C1QB: variants seen among roughly 807,000 people sequenced by gnomAD.
C1QB encodes the protein complement C1q subcomponent subunit B.
Under a neutral mutation model 4.6 loss-of-function variants are expected in C1QB, and 2 were observed. The ratio of observed to expected loss-of-function variants is 0.43; its 90% CI spans 0.18 to 1.36. The LOEUF is 1.36. Among genes scored for constraint, C1QB ranks in the 40% most tolerant of loss-of-function variants. C1QB has a pLI of 0.28. For synonymous variants in C1QB, 132 were observed against 137.1 expected (o/e 0.96, Z 0.26); for missense variants, 292 against 338.0 (o/e 0.86, Z 1.07).
Position 22,659,609 on chromosome 1 carries a change from C to T in C1QB, c.147C>T (p.Gly49=), listed in dbSNP as rs1408569507. 1.2e-6 allele frequency: 2 copies of T among 1,613,676 alleles called. No homozygotes were observed. The highest frequency in any genetic ancestry group is 1.1e-5 in the South Asian group (1 of 91,010). ...TCCCTGGGACACCTGGCCCCGATGGCCAACCTGGGACCCCAGGGATAAAAG... is the reference window on the plus strand; with the variant it reads ...TCCCTGGGACACCTGGCCCCGATGGTCAACCTGGGACCCCAGGGATAAAAG... ...PGIPGTPGPD[G]QPGTPGIKGE... The change falls in exon 2 of 3, where the codon GGC becomes GGT. Residue 49 remains glycine (G), a synonymous_variant. Transcript: ENST00000509305.
chr1:22,658,156 C>T (rs750980278), intron 1 of C1QB, among the ~76,000 whole-genome samples: 43 of 152,286 alleles, frequency 2.8e-4, no homozygotes, highest in Non-Finnish European at 5.1e-4. Flanking sequence ...TAAGAGCTTT[C>T]GGGGAATAAA....
rs1231935130 is a variant in C1QB at position 22,659,526 on chromosome 1, A to G, written c.64A>G (p.Ile22Val). The G allele has an allele frequency of 1.9e-6, 3 of 1,613,910 alleles. No individual in the cohort carries two copies. The highest frequency in any genetic ancestry group is 2.5e-6 in the Non-Finnish European group (3 of 1,180,000). ...GCTCCTGCTCCTGGGCCTAATCGAT[A>G]TCTCCCAGGCCCAGCTCAGCTGCAC... is the stretch of plus-strand genomic sequence containing the variant. ...MLLLLLGLID[I>V]SQAQLSCTGP... Residue 22 changes from isoleucine to valine, a missense_variant, in exon 2 of 3, where the codon ATC (isoleucine) becomes GTC (valine). Coordinates refer to ENST00000509305, the MANE Select transcript of C1QB (RefSeq NM_001378156.1).
intron 1 of C1QB, 69 bp from the exon 2 acceptor site, chr1:22,659,369 TGG>T (rs1428788222): frequency 2.3e-6 from 3 of 1,329,060 alleles, no homozygotes; most frequent in African/African-American, 2.9e-5. Context: ...GATGGATGGA[TGG>T]ATGGATGGAT....
Position 22,661,310 on chromosome 1 carries a change from A to G in C1QB, c.680A>G (p.Lys227Arg). The change falls in exon 3 of 3, where the codon AAG (lysine) becomes AGG (arginine). Residue 227 changes from lysine (K) to arginine (R), a missense_variant. Lys to Arg is a conservative substitution (Grantham distance 26). Coordinates refer to ENST00000509305, the MANE Select transcript of C1QB (RefSeq NM_001378156.1). ...AACGTCTTCCTGCAGGCCACCGACA[A>G]GAACTCACTACTGGGCATGGAGGGT... ...GENVFLQATDKNSLLGMEGAN... is the reference protein window; with the variant it reads ...GENVFLQATDRNSLLGMEGAN... 2 of 1,614,012 alleles carry G rather than the reference A, an allele frequency of 1.2e-6. No homozygotes were observed. The highest frequency in any genetic ancestry group is 2.2e-5 in the South Asian group (2 of 91,070).
At chr1:22,660,488 A>G (rs1171770428) in intron 2 of C1QB, among the ~76,000 whole-genome samples, 1 of 152,040 alleles carries the variant, frequency 6.6e-6, no homozygotes, top group Non-Finnish European at 1.5e-5. Context: ...GGGGTGAGGG[A>G]TAGAGGGAGA....
intron 2 of C1QB, 47 bp downstream of exon 2, chr1:22,659,690 C>T (rs368912073): frequency 3.4e-5 from 53 of 1,561,768 alleles, no homozygotes; most frequent in Non-Finnish European, 4.1e-5. Flanking sequence ...CCAAATTTCC[C>T]GTCTCCTGCC....
In C1QB at chr1:22,661,320, A is replaced by C. The variant is rs1196032295; in HGVS notation, c.690A>C (p.Leu230=). 6.2e-7 allele frequency: 1 copy of C among 1,613,958 alleles called. No homozygotes were observed. Among genetic ancestry groups the C allele is most frequent in the Non-Finnish European group, 8.5e-7 (1 of 1,179,980 alleles). The change falls in exon 3 of 3, where the codon CTA becomes CTC. Residue 230 remains leucine (L), a synonymous_variant. Transcript: ENST00000509305. ...VFLQATDKNS[L]LGMEGANSIF... ...TGCAGGCCACCGACAAGAACTCACT[A>C]CTGGGCATGGAGGGTGCCAACAGCA...
chr1:22,658,720 A>C (rs1010123036), intron 1 of C1QB, among the ~76,000 whole-genome samples: 4 of 152,008 alleles, frequency 2.6e-5, no homozygotes, highest in Non-Finnish European at 5.9e-5. Context: ...AGATGGAGGA[A>C]TAGAGGGATG....
Position 22,661,315 on chromosome 1 carries a change from T to C in C1QB, c.685T>C (p.Ser229Pro). ...NVFLQATDKN[S>P]LLGMEGANSI... ...CTTCCTGCAGGCCACCGACAAGAAC[T>C]CACTACTGGGCATGGAGGGTGCCAA... The change falls in exon 3 of 3, where the codon TCA (serine) becomes CCA (proline). Residue 229 changes from serine (S) to proline (P), a missense_variant. By Grantham distance (74) the Ser-to-Pro change is moderately conservative (BLOSUM62 -1). Transcript: ENST00000509305. 1 of 1,613,976 alleles carries C rather than the reference T, an allele frequency of 6.2e-7. No individual in the cohort carries two copies. The highest frequency in any genetic ancestry group is 8.5e-7 in the Non-Finnish European group (1 of 1,179,982).
rs776292843 is a variant in C1QB, at chr1:22,660,991, G to A, written c.361G>A (p.Ala121Thr). ...AGACTACAAGGCCACCCAGAAAATC[G>A]CCTTCTCTGCCACAAGAACCATCAA... ...SGDYKATQKIAFSATRTINVP... is the reference protein window; with the variant it reads ...SGDYKATQKITFSATRTINVP... The change falls in exon 3 of 3, where the codon GCC becomes ACC. Residue 121 changes from alanine (A) to threonine (T), a missense_variant. Ala to Thr is a moderately conservative substitution (Grantham distance 58). Coordinates refer to ENST00000509305, the MANE Select transcript of C1QB (RefSeq NM_001378156.1). 25 of 1,613,746 alleles carry A rather than the reference G, an allele frequency of 1.5e-5. No individual in the cohort carries two copies. The highest frequency in any genetic ancestry group is 3.3e-5 in the South Asian group (3 of 91,068).
In C1QB at chr1:22,660,935, C is replaced by A. The variant is rs753050059; in HGVS notation, c.305C>A (p.Pro102His). The change falls in exon 3 of 3, where the codon CCT becomes CAT. Residue 102 changes from proline (P) to histidine (H), a missense_variant. Coordinates refer to ENST00000509305, the MANE Select transcript of C1QB (RefSeq NM_001378156.1). ...PMGPKGGPGA[P>H]GAPGPKGESG... is the part of the protein sequence containing the mutation. ...GGCCCTAAAGGTGGCCCAGGGGCCC[C>A]TGGAGCCCCAGGCCCCAAAGGTGAA... The A allele has an allele frequency of 6.2e-7, 1 of 1,613,806 alleles. No individual in the cohort carries two copies. The highest frequency in any genetic ancestry group is 8.5e-7 in the Non-Finnish European group (1 of 1,179,884).
intron 1 of C1QB, among the ~76,000 whole-genome samples, chr1:22,655,480 A>AG (rs35440506): frequency 0.11 from 17,320 of 152,174 alleles, 1,634 homozygotes; most frequent in African/African-American, 0.24. Context: ...GTCTGGTCCC[A>AG]GGGAGCCCTC....
chr1:22,659,545 G>A lies in C1QB; in HGVS notation c.83G>A (p.Ser28Asn), dbSNP rs1570097606. ...ATCGATATCTCCCAGGCCCAGCTCA[G>A]CTGCACCGGGCCCCCAGCCATCCCT... ...GLIDISQAQLSCTGPPAIPGI... is the reference protein window; with the variant it reads ...GLIDISQAQLNCTGPPAIPGI... Residue 28 changes from serine (S) to asparagine (N), a missense_variant, in exon 2 of 3, where the codon AGC (serine) becomes AAC (asparagine). Coordinates refer to ENST00000509305, the MANE Select transcript of C1QB (RefSeq NM_001378156.1). 1 of 1,614,090 alleles carries A rather than the reference G, an allele frequency of 6.2e-7. No individual in the cohort carries two copies. Among genetic ancestry groups the A allele is most frequent in the South Asian group, 1.1e-5 (1 of 91,072 alleles).
In C1QB at chr1:22,661,604, G is replaced by A. The variant is rs1481801395; in HGVS notation, c.*218G>A. On this transcript the variant is annotated 3_prime_UTR_variant, in exon 3 of 3. Transcript: ENST00000509305. ...AGAAGTGCCATGCTCAGAAATGTTG[G>A]TTACATGAATGAATGAACCATGAAT... 1 of 605,116 alleles carries A rather than the reference G, an allele frequency of 1.7e-6. No individual in the cohort carries two copies. The highest frequency in any genetic ancestry group is 2.9e-6 in the Non-Finnish European group (1 of 339,068). The allele number at this position is 605,116 out of a possible 1,614,324, so 37.5% of individuals were successfully genotyped here. A position where few individuals can be genotyped will look rare whatever the true frequency, so the allele number is the denominator to read the frequency against.
At position 22,660,896 on chromosome 1, in the gene C1QB, C is replaced by T. The variant is rs908026459; in HGVS notation, c.266C>T (p.Pro89Leu). The part of the protein sequence containing the change: ...GIPGNPGKVG[P>L]KGPMGPKGGP... ...CCTGGGAATCCAGGAAAAGTCGGCCCCAAGGGCCCCATGGGCCCTAAAGGT... is the reference window on the plus strand; with the variant it reads ...CCTGGGAATCCAGGAAAAGTCGGCCTCAAGGGCCCCATGGGCCCTAAAGGT... The change falls in exon 3 of 3, where the codon CCC (proline) becomes CTC (leucine). Residue 89 changes from proline to leucine, a missense_variant. Transcript: ENST00000509305. 2 of 1,613,184 alleles carry T rather than the reference C, an allele frequency of 1.2e-6. No individual in the cohort carries two copies. Among genetic ancestry groups the T allele is most frequent in the Non-Finnish European group, 1.7e-6 (2 of 1,179,728 alleles).
At chr1:22,655,817 C>A (rs1015631919) in intron 1 of C1QB, among the ~76,000 whole-genome samples, 12 of 152,188 alleles carry the variant, frequency 7.9e-5, no homozygotes, top group African/African-American at 2.9e-4. Context: ...AGAGACCACT[C>A]TGCTCCCCCA....
intron 2 of C1QB, 95 bp from the exon 3 acceptor site, chr1:22,660,717 G>A: frequency 1.6e-6 from 2 of 1,254,734 alleles, no homozygotes; most frequent in Non-Finnish European, 2.3e-6. Flanking sequence ...GGGAGACTGA[G>A]GCTCAGAGAG....
chr1:22,658,401 A>G (rs540443804), intron 1 of C1QB, among the ~76,000 whole-genome samples: 1 of 152,230 alleles, frequency 6.6e-6, no homozygotes, highest in Non-Finnish European at 1.5e-5. Context: ...CTTGGAGAAG[A>G]CTTTCCTGGT....
rs555943495 is a variant in C1QB, at chr1:22,659,523, G to C, written c.61G>C (p.Asp21His). Residue 21 changes from aspartate (D) to histidine (H), a missense_variant, in exon 2 of 3, where the codon GAT becomes CAT. Coordinates refer to ENST00000509305, the MANE Select transcript of C1QB (RefSeq NM_001378156.1). ...GTTGCTCCTGCTCCTGGGCCTAATC[G>C]ATATCTCCCAGGCCCAGCTCAGCTG... ...LMLLLLLGLIDISQAQLSCTG... is the reference protein window; with the variant it reads ...LMLLLLLGLIHISQAQLSCTG... 5.6e-6 allele frequency: 9 copies of C among 1,613,884 alleles called. No homozygotes were observed. In the African/African-American group the frequency reaches 8.0e-5, roughly 14 times the overall value.
Sources: allele counts gnomAD v4.1 joint callset (sites outside exome capture counted in the v4.1 genomes callset), GRCh38; gene constraint gnomAD v4.1.1; transcripts MANE v1.5; gene names NCBI Gene and HGNC (gene_info 2026-07-23, HGNC 2026-07-21).